The following USP14 variants were observed in gnomAD, a reference collection of about 807,000 sequenced individuals.
The protein encoded by USP14 is ubiquitin specific peptidase 14.
Under a neutral mutation model 76.5 loss-of-function variants are expected in USP14, and 38 were observed. The observed-to-expected ratio is 0.50, with a 90% CI of 0.38 to 0.65. The LOEUF is 0.65. Among genes scored for constraint, USP14 ranks in the 30% least tolerant of loss-of-function variants. The pLI is 0.00. For missense variants in USP14, 467 were observed against 586.5 expected (o/e 0.80, Z 2.10); for synonymous variants, 192 against 191.7 (o/e 1.00, Z -0.01).
At chr18:163,811 T>C (rs535320189) in intron 2 of USP14, among the ~76,000 whole-genome samples, 73 of 143,592 alleles carry the variant, frequency 5.1e-4, no homozygotes, top group Middle Eastern at 3.6e-3. Context: ...TAGTACCCGA[T>C]AGGTAGTTTT....
chr18:159,726 A>C (rs531251365), intron 1 of USP14, among the ~76,000 whole-genome samples: 1 of 152,196 alleles, frequency 6.6e-6, no homozygotes, highest in African/African-American at 2.4e-5. Context: ...GAAATATTCT[A>C]ATACTTAAAC....
At chr18:206,502 C>T (rs1387306602) in intron 13 of USP14, among the ~76,000 whole-genome samples, 1 of 152,106 alleles carries the variant, frequency 6.6e-6, no homozygotes, top group Non-Finnish European at 1.5e-5. Context: ...ATGTTTTCAT[C>T]CTCTTAACCT....
chr18:167,352 T>C (rs1000913208), intron 3 of USP14, among the ~76,000 whole-genome samples: 2 of 152,246 alleles, frequency 1.3e-5, no homozygotes, highest in Non-Finnish European at 2.9e-5. Flanking sequence ...TGAGATTTTG[T>C]TTGAGATTAC....
intron 1 of USP14, 130 bp downstream of exon 1, chr18:158,844 C>T (rs1001489824): frequency 4.1e-5 from 51 of 1,241,684 alleles, no homozygotes; most frequent in Non-Finnish European, 5.1e-5. Flanking sequence ...GGGCCGGCGG[C>T]GCGGAGATGA....
intron 6 of USP14, among the ~76,000 whole-genome samples, chr18:194,921 A>G (rs1369837382): frequency 6.6e-6 from 1 of 152,184 alleles, no homozygotes; most frequent in African/African-American, 2.4e-5. Flanking sequence ...ACAGACTGAG[A>G]CACTGTCTCA....
intron 2 of USP14, among the ~76,000 whole-genome samples, chr18:166,003 T>TA (rs944628126): frequency 3.0e-5 from 3 of 100,350 alleles, no homozygotes; most frequent in South Asian, 7.8e-4. Flanking sequence ...ATCATGCATT[T>TA]AAAAAAAAAA....
At chr18:194,340 A>G (rs553785969) in intron 6 of USP14, among the ~76,000 whole-genome samples, 2 of 152,324 alleles carry the variant, frequency 1.3e-5, no homozygotes, top group South Asian at 4.1e-4. Flanking sequence ...TTAGAATTTC[A>G]GCAGCTTCTG....
intron 3 of USP14, among the ~76,000 whole-genome samples, chr18:171,025 A>AAAAATATATATATATATATATAT (rs1327304974): frequency 4.2e-5 from 2 of 47,648 alleles, no homozygotes; most frequent in Non-Finnish European, 7.5e-5. Flanking sequence ...AAAAAAAAAA[A>AAAAATATATATATATATATATAT]ATATATATAT....
intron 12 of USP14, 22 bp downstream of exon 12, chr18:203,212 G>T (rs1021918708): frequency 1.3e-6 from 2 of 1,585,602 alleles, no homozygotes; most frequent in Non-Finnish European, 1.7e-6. Flanking sequence ...ACTTTACTTT[G>T]TATAAGAAAT....
chr18:209,103 G>C (rs1910603767), intron 13 of USP14, among the ~76,000 whole-genome samples: 1 of 148,324 alleles, frequency 6.7e-6, no homozygotes, highest in African/African-American at 2.5e-5. Context: ...GTTTAATTCT[G>C]CTTTTTTGAT....
chr18:174,562 G>A (rs148368302), intron 3 of USP14, among the ~76,000 whole-genome samples: 3 of 150,716 alleles, frequency 2.0e-5, no homozygotes, highest in Non-Finnish European at 4.4e-5. Context: ...CACTGCACCC[G>A]GCTTATTTCA....
intron 5 of USP14, among the ~76,000 whole-genome samples, chr18:181,393 T>G (rs1909786083): frequency 6.6e-6 from 1 of 152,226 alleles, no homozygotes; most frequent in African/African-American, 2.4e-5. Context: ...GGTATCTCAT[T>G]GTGGTTGTCA....
intron 6 of USP14, among the ~76,000 whole-genome samples, chr18:195,886 A>G (rs1910216675): frequency 6.6e-6 from 1 of 152,214 alleles, no homozygotes; most frequent in Non-Finnish European, 1.5e-5. Context: ...AAAGGCTGGC[A>G]AGAAGAAAGA....
At chr18:193,669 C>G (rs572424554) in intron 6 of USP14, among the ~76,000 whole-genome samples, 1 of 152,252 alleles carries the variant, frequency 6.6e-6, no homozygotes, top group Admixed American at 6.5e-5. Flanking sequence ...GACTTTTACT[C>G]TAAATGGAAT....
chr18:211,231 C>T lies in USP14; in HGVS notation c.1432C>T (p.Leu478=). ...GGGDWHIAYV[L]LYGPRRVEIM... ...TGGAGACTGGCATATCGCTTACGTT[C>T]TACTCTATGGGCCTCGCAGAGTTGA... Residue 478 remains leucine (L), a synonymous_variant, in exon 16 of 16, where the codon CTA becomes TTA. Coordinates refer to ENST00000261601, the MANE Select transcript of USP14 (RefSeq NM_005151.4). The T allele has an allele frequency of 6.2e-7, 1 of 1,614,036 alleles. No homozygotes were observed.
rs556440075 is a variant in USP14, at chr18:207,040, G to C, written c.1164+2348G>C. Reference sequence around the variant, plus strand: ...TTCATTGTTTTGCATGTGAATATCTGGTTGTCTCAGCACCATTTTTTAAGA... The same window carrying C: ...TTCATTGTTTTGCATGTGAATATCTCGTTGTCTCAGCACCATTTTTTAAGA... On this transcript the variant is annotated intron_variant, in intron 13 of 15. Coordinates refer to ENST00000261601, the MANE Select transcript of USP14 (RefSeq NM_005151.4). Among the ~76,000 whole-genome samples, 2 of 106,258 alleles carry C rather than the reference G, an allele frequency of 1.9e-5. 1 individual carries two copies. Among genetic ancestry groups the C allele is most frequent in the Non-Finnish European group, 4.9e-5 (2 of 40,774 alleles). 69.7% of individuals were successfully genotyped at this position (106,258 alleles called of 152,430 possible).
At chr18:209,799 CTGGGTTTACAGTTT>C (rs1326701085) in intron 13 of USP14, among the ~76,000 whole-genome samples, 158 bp from the exon 14 acceptor site, 2 of 152,090 alleles carry the variant, frequency 1.3e-5, no homozygotes, top group Admixed American at 6.6e-5. Context: ...TGTAGGACTG[CTGGGTTTACAGTTT>C]TAACTGTGGT....
In USP14 at chr18:202,930, C is replaced by T. The variant is rs1348186039; in HGVS notation, c.927C>T (p.Ala309=). The change falls in exon 11 of 16, where the codon GCC becomes GCT. Residue 309 remains alanine (A), a synonymous_variant. Coordinates refer to ENST00000261601, the MANE Select transcript of USP14 (RefSeq NM_005151.4). The part of the protein sequence containing the change: ...TKQSPTLQRN[A]LYIKSSKISR... ...AGTCTCCAACGTTGCAAAGAAATGCCTTGTATATCAAATCTGTAAGTTATG... is the reference window on the plus strand; with the variant it reads ...AGTCTCCAACGTTGCAAAGAAATGCTTTGTATATCAAATCTGTAAGTTATG... The T allele has an allele frequency of 6.2e-7, 1 of 1,614,100 alleles. No homozygotes were observed. The highest frequency in any genetic ancestry group is 8.5e-7 in the Non-Finnish European group (1 of 1,179,978).
Position 192,823 on chromosome 18 carries a change from T to A in USP14, c.405-19T>A, listed in dbSNP as rs1910127071. ...AATGAATTGAATTCTATTGTTTAAC[T>A]CGGCTTTAATGTTCCTAGGTATGCA... On this transcript the variant is annotated intron_variant, in intron 5 of 15. Transcript: ENST00000261601. The A allele has an allele frequency of 6.2e-7, 1 of 1,612,848 alleles. No homozygotes were observed. The highest frequency in any genetic ancestry group is 8.5e-7 in the Non-Finnish European group (1 of 1,179,418).
Sources: allele counts gnomAD v4.1 joint callset (sites outside exome capture counted in the v4.1 genomes callset), GRCh38; gene constraint gnomAD v4.1.1; transcripts MANE v1.5; gene names NCBI Gene and HGNC (gene_info 2026-07-23, HGNC 2026-07-21).